The following PIGN variants were observed in gnomAD, a reference collection of about 807,000 sequenced individuals.
The protein encoded by PIGN is GPI ethanolamine phosphate transferase 1.
Under a neutral mutation model 125.4 loss-of-function variants are expected in PIGN, and 117 were observed. That is an observed-to-expected ratio of 0.93 (90% CI 0.80 to 1.09). PIGN has a LOEUF of 1.09. Among genes scored for constraint, PIGN ranks in the 50% least tolerant of loss-of-function variants. The pLI is 0.00. For missense variants in PIGN, 1,075 were observed against 1,094.9 expected, an observed-to-expected ratio of 0.98 and a Z score of 0.26; for synonymous variants, 392 against 377.8, an observed-to-expected ratio of 1.04 and a Z score of -0.44.
At chr18:62,025,598 T>C (rs1319586296) in intron 23 of PIGN, among the ~76,000 whole-genome samples, 5 of 152,218 alleles carry the variant, frequency 3.3e-5, no homozygotes. Flanking sequence ...GCACAGAGCT[T>C]GTTTCTAAGT....
chr18:62,161,214 A>G lies in PIGN; in HGVS notation c.140T>C (p.Val47Ala). 1.2e-6 allele frequency: 2 copies of G among 1,613,894 alleles called. No individual in the cohort carries two copies. The highest frequency in any genetic ancestry group is 1.7e-6 in the Non-Finnish European group (2 of 1,179,830). The change falls in exon 4 of 31, where the codon GTG becomes GCG. Residue 47 changes from valine (V) to alanine (A), a missense_variant. Coordinates refer to ENST00000640252, the MANE Select transcript of PIGN (RefSeq NM_176787.5). ...TCGAAGGCCATCAGCAACAAACAAC[A>G]CTAATCTTCTCGCTGGAGGAGGCAA... ...TPLPPPARRL[V>A]LFVADGLRAD...
chr18:62,115,261 C>G (rs2035044996), intron 14 of PIGN, among the ~76,000 whole-genome samples: 2 of 152,168 alleles, frequency 1.3e-5, no homozygotes, highest in South Asian at 4.2e-4. Context: ...AGAAATACTC[C>G]CAAAAAATAC....
At chr18:62,112,595 A>T (rs963621212) in intron 16 of PIGN, 2 of 152,272 alleles carry the variant, frequency 1.3e-5, no homozygotes, top group African/African-American at 4.8e-5. Context: ...TAAAGTAGGA[A>T]CAAATTCTTA....
chr18:62,107,978 T>C (rs1259593365), intron 17 of PIGN, among the ~76,000 whole-genome samples: 1 of 152,192 alleles, frequency 6.6e-6, no homozygotes, highest in Non-Finnish European at 1.5e-5. Context: ...TTTTTACATT[T>C]CATCACTAGG....
At chr18:62,058,946 G>C (rs1289244346) in intron 30 of PIGN, 5 of 151,954 alleles carry the variant, frequency 3.3e-5, no homozygotes, top group Non-Finnish European at 7.4e-5. Context: ...CCATGACTTT[G>C]GGAGGCCAAG....
rs180895483 is a variant in PIGN, at chr18:62,024,277, A to C, written c.2143-6536T>G. On this transcript the variant is annotated intron_variant, in intron 23 of 24. Transcript: ENST00000639600. The stretch of plus-strand genomic sequence containing the variant: ...GAGAAAGATTGAGGTTAAACAAAGA[A>C]GTCAAGTTCTCTCACAAAGAAGAAA... 3.9e-5 allele frequency among the ~76,000 whole-genome samples: 6 copies of C among 152,348 alleles called. No homozygotes were observed. The East Asian group carries it at 9.6e-4, about 24-fold the overall frequency.
intron 20 of PIGN, among the ~76,000 whole-genome samples, chr18:62,103,348 T>C (rs1323232484): frequency 1.3e-5 from 2 of 149,904 alleles, no homozygotes; most frequent in Admixed American, 6.6e-5. Context: ...TATCTACATA[T>C]ATAACCCACA....
At chr18:62,149,965 A>T (rs2036469010) in intron 7 of PIGN, among the ~76,000 whole-genome samples, 1 of 152,176 alleles carries the variant, frequency 6.6e-6, no homozygotes, top group Admixed American at 6.6e-5. Flanking sequence ...TTCATGTACC[A>T]AACAATTCCC....
At chr18:62,148,149 T>A (rs1018031725) in intron 8 of PIGN, 65 bp downstream of exon 8, 1 of 1,273,308 alleles carries the variant, frequency 7.9e-7, no homozygotes, top group Non-Finnish European at 1.1e-6. Context: ...GAAAACTTTA[T>A]AATAAAAAGT....
At chr18:62,110,087 A>G (rs1299661594) in intron 16 of PIGN, 114 bp from the exon 17 acceptor site, 7 of 865,300 alleles carry the variant, frequency 8.1e-6, no homozygotes, top group Non-Finnish European at 1.2e-5. Flanking sequence ...TGGTTATACT[A>G]CTAGATGATT....
At chr18:62,106,936 C>A (rs762911601) in intron 18 of PIGN, 50 bp downstream of exon 18, 1 of 1,536,852 alleles carries the variant, frequency 6.5e-7, no homozygotes, top group Admixed American at 1.9e-5. Flanking sequence ...ATACTAGTTA[C>A]AAATATATAA....
chr18:62,082,887 A>T (rs927406655), intron 27 of PIGN, 141 bp from the exon 28 acceptor site: 6 of 561,350 alleles, frequency 1.1e-5, no homozygotes, highest in African/African-American at 7.6e-5. Flanking sequence ...AAACACTGAA[A>T]TAAAAGCATG....
intron 22 of PIGN, among the ~76,000 whole-genome samples, chr18:62,097,225 A>G (rs2034246701): frequency 7.5e-6 from 1 of 133,984 alleles, no homozygotes; most frequent in Non-Finnish European, 1.6e-5. Flanking sequence ...ACAAATTTAC[A>G]AGAAAAAAAC....
intron 23 of PIGN, among the ~76,000 whole-genome samples, chr18:62,027,899 C>A (rs2030144250): frequency 6.6e-6 from 1 of 151,298 alleles, no homozygotes; most frequent in African/African-American, 2.4e-5. Context: ...AGAATGAGAC[C>A]CTGTCTCAAT....
intron 28 of PIGN, 86 bp from the exon 29 acceptor site, chr18:62,074,907 TA>T: frequency 2.4e-6 from 2 of 837,986 alleles, no homozygotes; most frequent in Non-Finnish European, 3.9e-6. Flanking sequence ...ACTAGGCAAA[TA>T]ACCTAGTATT....
chr18:62,078,761 C>T (rs191306278), intron 28 of PIGN, among the ~76,000 whole-genome samples: 5 of 152,288 alleles, frequency 3.3e-5, no homozygotes, highest in Middle Eastern at 3.4e-3. Context: ...TGAGTTTCCT[C>T]GTAAATACCT....
chr18:62,019,114 T>A (rs1296289271), intron 23 of PIGN, among the ~76,000 whole-genome samples: 1 of 152,168 alleles, frequency 6.6e-6, no homozygotes, highest in Non-Finnish European at 1.5e-5. Flanking sequence ...GAGGCTGAGA[T>A]GGGAGGATCC....
intron 1 of PIGN, among the ~76,000 whole-genome samples, chr18:62,185,953 GA>G (rs2037947778): frequency 6.6e-6 from 1 of 151,610 alleles, no homozygotes; most frequent in African/African-American, 2.4e-5. Flanking sequence ...GAACGAGTCA[GA>G]AATGTTGCAG....
intron 14 of PIGN, 90 bp from the exon 15 acceptor site, chr18:62,114,729 G>A (rs2035023059): frequency 3.5e-6 from 2 of 572,088 alleles, no homozygotes; most frequent in East Asian, 6.8e-5. Flanking sequence ...CAAAGATAGT[G>A]AAAATTACAA....
Sources: gnomAD v4.1 joint callset for allele counts (sites outside exome capture counted in the v4.1 genomes callset) on GRCh38, gnomAD v4.1.1 for gene constraint, MANE v1.5 for transcripts, NCBI Gene and HGNC (gene_info 2026-07-23, HGNC 2026-07-21) for gene names.